Variants in SLC25A48 observed in about 807,000 individuals in gnomAD.
SLC25A48 encodes the protein solute carrier family 25 member 48.
SLC25A48 carries 29 observed loss-of-function variants against 32.2 expected under a neutral mutation model. The observed-to-expected ratio is 0.90, with a 90% confidence interval of 0.67 to 1.23. The LOEUF (loss-of-function observed/expected upper bound fraction) is 1.23, where lower values mean the gene tolerates loss of function less well. Ranked by LOEUF, SLC25A48 falls within the 50% of genes most tolerant of loss-of-function variation. SLC25A48 has a pLI of 0.00. For synonymous variants in SLC25A48, 164 were observed against 172.3 expected (o/e 0.95, Z 0.38); for missense variants, 399 against 422.7 (o/e 0.94, Z 0.49).
chr5:135,871,925 T>C, intron 5 of SLC25A48: 1 of 1,463,228 alleles, frequency 6.8e-7, no homozygotes, highest in Non-Finnish European at 9.1e-7. Flanking sequence ...AGAATGGCAG[T>C]TCCCATTTGA....
Position 135,816,808 on chromosome 5 carries a change from A to C in SLC25A48, c.-117+3882A>C, listed in dbSNP as rs1328592148. ...ACACAGGACAATGATCCAAAGAGAA[A>C]GAGAACAAATGAGGTGAGCCCTAAA... is the stretch of plus-strand genomic sequence containing the variant. On this transcript the variant is annotated intron_variant, in intron 4 of 10. Coordinates refer to the SLC25A48 transcript ENST00000646290. Among the ~76,000 whole-genome samples, 3 of 152,206 alleles carry C rather than the reference A, an allele frequency of 2.0e-5. No individual in the cohort carries two copies. In the East Asian group the frequency reaches 5.8e-4, roughly 29 times the overall value.
intron 3 of SLC25A48, among the ~76,000 whole-genome samples, chr5:135,755,304 G>A (rs866398798): frequency 1.3e-5 from 2 of 151,982 alleles, no homozygotes; most frequent in Non-Finnish European, 2.9e-5. Context: ...ATGAAATATC[G>A]CTGTAATAGT....
chr5:135,813,401 A>G (rs1312256678), intron 4 of SLC25A48, among the ~76,000 whole-genome samples: 1 of 152,190 alleles, frequency 6.6e-6, no homozygotes, highest in Non-Finnish European at 1.5e-5. Context: ...ACAGGGCCAG[A>G]AGTGGACCCC....
chr5:135,719,626 T>G (rs1337233400), intron 3 of SLC25A48, among the ~76,000 whole-genome samples: 2 of 152,244 alleles, frequency 1.3e-5, no homozygotes, highest in East Asian at 3.9e-4. Flanking sequence ...TGCTCAGGAA[T>G]GTGTCCTGGA....
intron 3 of SLC25A48, among the ~76,000 whole-genome samples, chr5:135,808,597 T>C (rs753958951): frequency 1.4e-4 from 21 of 152,008 alleles, no homozygotes; most frequent in Non-Finnish European, 2.8e-4. Context: ...TCTTAGAAAA[T>C]CCTGAGGGGT....
At chr5:135,718,288 G>C (rs948802900) in intron 3 of SLC25A48, among the ~76,000 whole-genome samples, 2 of 152,116 alleles carry the variant, frequency 1.3e-5, no homozygotes, top group Admixed American at 6.5e-5. Context: ...CTCTATCCTT[G>C]ATGAAAAGTA....
intron 3 of SLC25A48, among the ~76,000 whole-genome samples, chr5:135,685,750 T>A (rs748355): frequency 0.75 from 113,405 of 152,142 alleles, 42,860 homozygotes; most frequent in Middle Eastern, 0.85. Context: ...AAAGAATAGG[T>A]TCTGCGGCAT....
intron 3 of SLC25A48, among the ~76,000 whole-genome samples, chr5:135,735,197 G>T (rs1755332283): frequency 6.6e-6 from 1 of 152,174 alleles, no homozygotes; most frequent in Non-Finnish European, 1.5e-5. Context: ...TTAGGTGTTT[G>T]GAAGTTCTTG....
At chr5:135,861,820 T>C (rs1427789729) in intron 4 of SLC25A48, among the ~76,000 whole-genome samples, 1 of 152,084 alleles carries the variant, frequency 6.6e-6, no homozygotes, top group Non-Finnish European at 1.5e-5. Context: ...TCCAGAAGAG[T>C]TTTACCAAAT....
At chr5:135,665,247 A>G (rs916991020) in intron 3 of SLC25A48, among the ~76,000 whole-genome samples, 2 of 152,010 alleles carry the variant, frequency 1.3e-5, no homozygotes, top group Non-Finnish European at 2.9e-5. Context: ...TGTTCTTGTC[A>G]TCTGCCCACT....
intron 1 of SLC25A48, among the ~76,000 whole-genome samples, chr5:135,837,451 T>G (rs768291118): frequency 2.0e-5 from 3 of 152,220 alleles, no homozygotes; most frequent in Admixed American, 6.5e-5. Flanking sequence ...CTCGGGAATT[T>G]GTCTTTGAAG....
chr5:135,835,138 G>T, intron 1 of SLC25A48: 1 of 693,400 alleles, frequency 1.4e-6, no homozygotes, highest in Non-Finnish European at 2.6e-6. Context: ...TAGGATCCGT[G>T]GGACTTGATG....
At chr5:135,876,855 A>G (rs576451633) in intron 6 of SLC25A48, among the ~76,000 whole-genome samples, 3 of 152,336 alleles carry the variant, frequency 2.0e-5, no homozygotes, top group South Asian at 2.1e-4. Flanking sequence ...GGATTCCTCC[A>G]GTGCCCCAGG....
At chr5:135,838,822 A>G (rs1232107120) in intron 1 of SLC25A48, among the ~76,000 whole-genome samples, 1 of 152,270 alleles carries the variant, frequency 6.6e-6, no homozygotes, top group East Asian at 1.9e-4. Context: ...CTGGATGTCC[A>G]GGCAGAAGTT....
At chr5:135,585,047 C>T (rs1362567420) in intron 1 of SLC25A48, among the ~76,000 whole-genome samples, 1 of 152,208 alleles carries the variant, frequency 6.6e-6, no homozygotes, top group African/African-American at 2.4e-5. Context: ...TGGCGATGGG[C>T]GATGAGCACC....
chr5:135,700,301 G>A (rs908428393), intron 3 of SLC25A48, among the ~76,000 whole-genome samples: 2 of 150,920 alleles, frequency 1.3e-5, no homozygotes, highest in Admixed American at 6.6e-5. Flanking sequence ...AAACCCAGGA[G>A]GGGGAGGTTG....
At chr5:135,835,221 A>G in intron 1 of SLC25A48, 1 of 564,842 alleles carries the variant, frequency 1.8e-6, no homozygotes. Context: ...CCCTTCAGTG[A>G]CCTGGTGCAC....
chr5:135,884,077 T>C (rs73287287), intron 7 of SLC25A48, among the ~76,000 whole-genome samples: 12,869 of 152,232 alleles, frequency 0.085, 660 homozygotes, highest in Non-Finnish European at 0.11. Flanking sequence ...ACAAAATGAA[T>C]CTATTTGCCA....
intron 4 of SLC25A48, among the ~76,000 whole-genome samples, chr5:135,829,109 T>C (rs1758139843): frequency 6.6e-6 from 1 of 152,332 alleles, no homozygotes; most frequent in East Asian, 1.9e-4. Context: ...GATGACTGCA[T>C]GATAGAGGAG....
Sources: gnomAD v4.1 joint callset for allele counts (sites outside exome capture counted in the v4.1 genomes callset) on GRCh38, gnomAD v4.1.1 for gene constraint, MANE v1.5 for transcripts, NCBI Gene and HGNC (gene_info 2026-07-23, HGNC 2026-07-21) for gene names.